The following DAO variants were observed in gnomAD, a reference collection of about 807,000 sequenced individuals.
The protein encoded by DAO is D-amino-acid oxidase.
Under a neutral mutation model 50.1 loss-of-function variants are expected in DAO, and 51 were observed. The ratio of observed to expected loss-of-function variants is 1.02; its 90% CI spans 0.81 to 1.29. DAO has a LOEUF of 1.29. Among genes scored for constraint, DAO ranks in the 50% most tolerant of loss-of-function variants. The pLI, the probability that DAO is intolerant of heterozygous loss-of-function variation, is 0.00. For synonymous variants in DAO, 160 were observed against 166.2 expected, an observed-to-expected ratio of 0.96 and a Z score of 0.29; for missense variants, 436 against 439.4, an observed-to-expected ratio of 0.99 and a Z score of 0.07.
intron 1 of DAO, among the ~76,000 whole-genome samples, chr12:108,882,115 G>A (rs993799953): frequency 6.6e-6 from 1 of 152,194 alleles, no homozygotes; most frequent in Non-Finnish European, 1.5e-5. Context: ...CTAGGCTTAT[G>A]AGTCAGGCTG....
At position 108,900,275 on chromosome 12, in the gene DAO, G is replaced by A. The variant is rs4964281; in HGVS notation, c.913-129G>A. The A allele has an allele frequency of 0.32, 382,719 of 1,194,410 alleles. 66,431 individuals are homozygous for A. The highest frequency in any genetic ancestry group is 0.56 in the Admixed American group (32,237 of 57,334). 74.0% of individuals were successfully genotyped at this position (1,194,410 alleles called of 1,614,324 possible). ...CCATTCCACCCCGGTGCCAAGAGAA[G>A]CTCAGGTGGCATCTGGCTTTGCCCA... On this transcript the variant is annotated intron_variant, in intron 10 of 10. Coordinates refer to ENST00000228476, the MANE Select transcript of DAO (RefSeq NM_001917.5).
chr12:108,892,978 C>A lies in DAO; in HGVS notation c.453-4C>A. The A allele has an allele frequency of 6.2e-7, 1 of 1,613,856 alleles. No homozygotes were observed. The highest frequency in any genetic ancestry group is 1.1e-5 in the South Asian group (1 of 91,074). ...GGGCTTTTTGATGTGTTTGATCATCCCAGGTTAACTGAGAGGGGAGTGAAG... is the reference window on the plus strand; with the variant it reads ...GGGCTTTTTGATGTGTTTGATCATCACAGGTTAACTGAGAGGGGAGTGAAG... On this transcript the variant is annotated splice_region_variant and splice_polypyrimidine_tract_variant and intron_variant, in intron 5 of 10. Transcript: ENST00000228476.
rs901104545 is a variant in DAO, at chr12:108,894,443, C to G, written c.612+76C>G. ...GCATGCTTATTTCATCCCTCAAGAT[C>G]ATGGACAAATCAGGAACATCTGTTA... On this transcript the variant is annotated intron_variant, in intron 7 of 10. Transcript: ENST00000228476. 1.1e-5 allele frequency: 13 copies of G among 1,215,246 alleles called. No individual in the cohort carries two copies. In the Admixed American group the frequency reaches 2.3e-4, roughly 22 times the overall value. The allele number at this position is 1,215,246 out of a possible 1,614,324, so 75.3% of individuals were successfully genotyped here.
rs573265236 is a variant in DAO at position 108,885,375 on chromosome 12, G to T, written c.194+175G>T. ...TTTAATCCTAGCACTTTGGGAGGTC[G>T]AGGTGGGAGGATCACTTGAGGCCAG... On this transcript the variant is annotated intron_variant, in intron 2 of 10. Transcript: ENST00000228476. 3.3e-5 allele frequency among the ~76,000 whole-genome samples: 5 copies of T among 152,264 alleles called. No individual in the cohort carries two copies. In the East Asian group the frequency reaches 7.7e-4, roughly 24 times the overall value.
At chr12:108,881,096 T>G (rs2039372752) in intron 1 of DAO, among the ~76,000 whole-genome samples, 1 of 151,768 alleles carries the variant, frequency 6.6e-6, no homozygotes, top group Non-Finnish European at 1.5e-5. Flanking sequence ...TACAGGTGTC[T>G]GGCAAGTGGC....
At chr12:108,883,790 T>C in intron 1 of DAO, 2 of 362,028 alleles carry the variant, frequency 5.5e-6, no homozygotes, top group Admixed American at 3.3e-5. Flanking sequence ...CCTTTCTGTT[T>C]GTTGGTTCTA....
intron 1 of DAO, among the ~76,000 whole-genome samples, chr12:108,880,772 A>T (rs899081163): frequency 6.6e-6 from 1 of 152,056 alleles, no homozygotes; most frequent in Non-Finnish European, 1.5e-5. Context: ...TAGCAATCAA[A>T]GGCATCAGCT....
intron 5 of DAO, among the ~76,000 whole-genome samples, chr12:108,891,595 C>CT (rs2039492758): frequency 6.6e-6 from 1 of 151,806 alleles, no homozygotes; most frequent in Non-Finnish European, 1.5e-5. Context: ...CATAAATTTG[C>CT]TTTTTTTCAT....
intron 8 of DAO, among the ~76,000 whole-genome samples, chr12:108,898,038 A>G (rs1023165419): frequency 6.6e-6 from 1 of 151,888 alleles, no homozygotes; most frequent in Non-Finnish European, 1.5e-5. Context: ...TTAACGGTGG[A>G]GATGACAATG....
intron 1 of DAO, among the ~76,000 whole-genome samples, chr12:108,883,153 C>G (rs1593156741): frequency 6.7e-6 from 1 of 148,644 alleles, no homozygotes; most frequent in South Asian, 2.1e-4. Context: ...CTCTTCTCCT[C>G]TTTTTTTTTT....
chr12:108,900,614 G>A lies in DAO; in HGVS notation c.*79G>A. On this transcript the variant is annotated 3_prime_UTR_variant, in exon 11 of 11. Transcript: ENST00000228476. ...AATGAATCAATGTGCTCCTTCATAA[G>A]CCATTGCTTCTCCCTCACTTCTTTC... is the stretch of plus-strand genomic sequence containing the variant. 1 of 1,565,982 alleles carries A rather than the reference G, an allele frequency of 6.4e-7. No individual in the cohort carries two copies. Among genetic ancestry groups the A allele is most frequent in the Middle Eastern group, 1.7e-4 (1 of 5,946 alleles).
intron 1 of DAO, among the ~76,000 whole-genome samples, chr12:108,884,660 G>C (rs536008206): frequency 1.3e-5 from 2 of 152,020 alleles, no homozygotes; most frequent in Non-Finnish European, 2.9e-5. Flanking sequence ...ACTAACCACC[G>C]GCCTACCCAG....
chr12:108,881,317 C>T (rs533942947), intron 1 of DAO, among the ~76,000 whole-genome samples: 4 of 152,086 alleles, frequency 2.6e-5, no homozygotes, highest in African/African-American at 4.8e-5. Flanking sequence ...AGCAACAACA[C>T]GAAAATGTCC....
In DAO at chr12:108,893,011, A is replaced by T; in HGVS notation, c.482A>T (p.Gln161Leu). 1.2e-6 allele frequency: 2 copies of T among 1,614,004 alleles called. No individual in the cohort carries two copies. Among genetic ancestry groups the T allele is most frequent in the Non-Finnish European group, 1.7e-6 (2 of 1,179,976 alleles). The change falls in exon 6 of 11, where the codon CAG becomes CTG. Residue 161 changes from glutamine (Q) to leucine (L), a missense_variant. Coordinates refer to ENST00000228476, the MANE Select transcript of DAO (RefSeq NM_001917.5). The part of the protein sequence containing the change: ...RLTERGVKFF[Q>L]RKVESFEEVA... ...ACTGAGAGGGGAGTGAAGTTCTTCC[A>T]GCGGAAAGTGGAGTCTTTTGAGGAG...
rs141717873 is a variant in DAO, at chr12:108,892,680, C to T, written c.453-302C>T. Among the ~76,000 whole-genome samples, 267 of 152,254 alleles carry T rather than the reference C, an allele frequency of 1.8e-3. 1 individual carries two copies. Among genetic ancestry groups the T allele is most frequent in the African/African-American group, 6.3e-3 (261 of 41,544 alleles). On this transcript the variant is annotated intron_variant, in intron 5 of 10. Transcript: ENST00000228476. ...ATAGGAAGTGCTGGGGGCTAAGAGG[C>T]CTGGGTTTGAGTTCCAACTCCATCA...
At chr12:108,888,313 T>C (rs1020029641) in intron 3 of DAO, among the ~76,000 whole-genome samples, 2 of 151,708 alleles carry the variant, frequency 1.3e-5, no homozygotes, top group African/African-American at 4.8e-5. Context: ...ATCCACATTA[T>C]CTGTTACCTT....
chr12:108,892,850 A>G, intron 5 of DAO, 132 bp from the exon 6 acceptor site: 1 of 796,170 alleles, frequency 1.3e-6, no homozygotes, highest in Non-Finnish European at 2.2e-6. Flanking sequence ...TGACACAGCC[A>G]TCTTCTCAAG....
Position 108,889,478 on chromosome 12 carries a change from T to C in DAO, c.319T>C (p.Trp107Arg). 1.2e-6 allele frequency: 2 copies of C among 1,611,762 alleles called. No individual in the cohort carries two copies. The highest frequency in any genetic ancestry group is 2.2e-5 in the South Asian group (2 of 91,036). The change falls in exon 4 of 11, where the codon TGG becomes CGG. Residue 107 changes from tryptophan (W) to arginine (R), a missense_variant. Coordinates refer to ENST00000228476, the MANE Select transcript of DAO (RefSeq NM_001917.5). ...TGTCCTTCCTCTTCAGGACCCTTCC[T>C]GGAAGGACACAGTTCTGGGATTTCG... ...LFHEAIPDPS[W>R]KDTVLGFRKL...
chr12:108,898,930 C>T, intron 9 of DAO, 134 bp downstream of exon 9: 1 of 721,642 alleles, frequency 1.4e-6, no homozygotes, highest in Non-Finnish European at 2.5e-6. Context: ...TGGAACATAA[C>T]AGAATTTGAT....
Sources: allele counts gnomAD v4.1 joint callset (sites outside exome capture counted in the v4.1 genomes callset), GRCh38; gene constraint gnomAD v4.1.1; transcripts MANE v1.5; gene names NCBI Gene and HGNC (gene_info 2026-07-23, HGNC 2026-07-21).